The following ADD1 variants were observed in gnomAD, a reference collection of about 807,000 sequenced individuals.
ADD1 encodes adducin 1.
A neutral mutation model predicts 80.5 loss-of-function variants in ADD1; 24 were observed. The ratio of observed to expected loss-of-function variants is 0.30; its 90% CI spans 0.22 to 0.42. ADD1 has a LOEUF of 0.42. ADD1 is among the 10% of genes least tolerant of loss of function. The pLI, the probability that ADD1 is intolerant of heterozygous loss-of-function variation, is 1.00. For synonymous variants in ADD1, 373 were observed against 393.8 expected (o/e 0.95, Z 0.63); for missense variants, 948 against 1,019.0 (o/e 0.93, Z 0.95).
At chr4:2,895,962 A>G (rs1735134432) in intron 6 of ADD1, among the ~76,000 whole-genome samples, 1 of 149,772 alleles carries the variant, frequency 6.7e-6, no homozygotes, top group Non-Finnish European at 1.5e-5. Flanking sequence ...ATCGCGGCTC[A>G]CTGCAAGCTC....
At chr4:2,868,553 T>G (rs1729916367) in intron 1 of ADD1, among the ~76,000 whole-genome samples, 2 of 152,222 alleles carry the variant, frequency 1.3e-5, no homozygotes, top group Non-Finnish European at 2.9e-5. Context: ...TTGGAGCCCT[T>G]TGTCCCAGGG....
chr4:2,868,688 C>T (rs991038305), intron 1 of ADD1, among the ~76,000 whole-genome samples: 1 of 152,144 alleles, frequency 6.6e-6, no homozygotes, highest in Non-Finnish European at 1.5e-5. Flanking sequence ...TGTATTGTCC[C>T]TGTATTTCAC....
intron 1 of ADD1, among the ~76,000 whole-genome samples, chr4:2,851,987 C>T (rs1232850535): frequency 6.6e-6 from 1 of 151,938 alleles, no homozygotes; most frequent in Non-Finnish European, 1.5e-5. Context: ...TACAGGCATG[C>T]ATCACTACGC....
intron 1 of ADD1, among the ~76,000 whole-genome samples, chr4:2,854,143 G>A (rs993304272): frequency 6.6e-6 from 1 of 152,046 alleles, no homozygotes. Flanking sequence ...CCGACATGGT[G>A]AAACCCCATC....
chr4:2,894,492 CA>C (rs1273465785), intron 5 of ADD1, 89 bp from the exon 6 acceptor site: 1 of 1,239,824 alleles, frequency 8.1e-7, no homozygotes, highest in Admixed American at 3.2e-5. Flanking sequence ...GCCTGGGCGA[CA>C]GAGCCAGACC....
At position 2,928,593 on chromosome 4, in the gene ADD1, C is replaced by T; in HGVS notation, c.*70C>T. 2 of 1,515,038 alleles carry T rather than the reference C, an allele frequency of 1.3e-6. No homozygotes were observed. Among genetic ancestry groups the T allele is most frequent in the East Asian group, 2.3e-5 (1 of 44,438 alleles). 93.8% of individuals were successfully genotyped at this position (1,515,038 alleles called of 1,614,324 possible). A position where few individuals can be genotyped will look rare whatever the true frequency, so the allele number is the denominator to read the frequency against. On this transcript the variant is annotated 3_prime_UTR_variant, in exon 16 of 16. Coordinates refer to ENST00000683351, the MANE Select transcript of ADD1 (RefSeq NM_001354761.2). ...GCCAGCGTCCCCGGCCACGTCTGTG[C>T]TCTGTCCTTGTGTAATGGAATGCAA...
At chr4:2,889,280 A>G (rs760565492) in intron 4 of ADD1, among the ~76,000 whole-genome samples, 4 of 152,172 alleles carry the variant, frequency 2.6e-5, no homozygotes, top group Non-Finnish European at 5.9e-5. Context: ...CTTGGGTAGA[A>G]AAGTCACAAG....
Position 2,891,461 on chromosome 4 carries a change from A to G in ADD1, c.511-2552A>G, listed in dbSNP as rs572391653. ...GCTTTGTCTCAAAAAAAGAAAAAAA[A>G]AAGATAAAGGAGCTGACTTAAGGAA... On this transcript the variant is annotated intron_variant, in intron 4 of 15. Transcript: ENST00000683351. Among the ~76,000 whole-genome samples, 30 of 152,244 alleles carry G rather than the reference A, an allele frequency of 2.0e-4. No individual in the cohort carries two copies. In the South Asian group the frequency reaches 5.6e-3, roughly 28 times the overall value.
At chr4:2,858,938 C>T (rs938818969) in intron 1 of ADD1, among the ~76,000 whole-genome samples, 2 of 152,102 alleles carry the variant, frequency 1.3e-5, no homozygotes, top group African/African-American at 4.8e-5. Context: ...AACATATCAC[C>T]GAGTGTATTT....
At chr4:2,852,696 CTTTT>C (rs1312991635) in intron 1 of ADD1, among the ~76,000 whole-genome samples, 2 of 118,730 alleles carry the variant, frequency 1.7e-5, no homozygotes, top group African/African-American at 3.0e-5. Context: ...CAGGAAATAT[CTTTT>C]TTTTTTTTTT....
intron 1 of ADD1, among the ~76,000 whole-genome samples, chr4:2,872,466 G>A (rs1293029290): frequency 3.3e-5 from 5 of 152,168 alleles, no homozygotes; most frequent in African/African-American, 1.2e-4. Context: ...AATATAGTTT[G>A]CCACTTAATA....
intron 1 of ADD1, among the ~76,000 whole-genome samples, chr4:2,874,520 T>C (rs965850029): frequency 6.7e-6 from 1 of 150,358 alleles, no homozygotes; most frequent in African/African-American, 2.5e-5. Flanking sequence ...GGCAGGAGAA[T>C]CACTTGAACC....
intron 13 of ADD1, among the ~76,000 whole-genome samples, chr4:2,912,865 G>T (rs1012981227): frequency 6.6e-6 from 1 of 152,084 alleles, no homozygotes; most frequent in Non-Finnish European, 1.5e-5. Context: ...TTTTGTTTGA[G>T]ACGGAGTCTT....
intron 1 of ADD1, among the ~76,000 whole-genome samples, chr4:2,849,508 G>A (rs1272255539): frequency 3.9e-5 from 6 of 152,184 alleles, no homozygotes; most frequent in Non-Finnish European, 8.8e-5. Flanking sequence ...CAGGAATGGG[G>A]CGCAGTAGAT....
At chr4:2,914,379 C>T (rs955900112) in intron 13 of ADD1, among the ~76,000 whole-genome samples, 2 of 152,216 alleles carry the variant, frequency 1.3e-5, no homozygotes, top group Non-Finnish European at 2.9e-5. Context: ...TTGGGATAAG[C>T]TCCAGGAACT....
At chr4:2,866,150 A>G (rs1424559133) in intron 1 of ADD1, among the ~76,000 whole-genome samples, 2 of 152,214 alleles carry the variant, frequency 1.3e-5, no homozygotes, top group Non-Finnish European at 2.9e-5. Context: ...TTCATGGGCC[A>G]TCTGAAGATT....
rs1328813081 is a variant in ADD1 at position 2,843,860 on chromosome 4, C to G, written c.-185C>G. On this transcript the variant is annotated 5_prime_UTR_variant, in exon 1 of 16. Transcript: ENST00000683351. ...TTGGGCTGCAGCGCCGCAGGCCGCA[C>G]CCAGGTCGGGCGGTGGGGGCGAGCG... 1 of 152,474 alleles carries G rather than the reference C, an allele frequency of 6.6e-6. No individual in the cohort carries two copies. The highest frequency in any genetic ancestry group is 1.9e-4 in the East Asian group (1 of 5,196). 9.4% of individuals were successfully genotyped at this position (152,474 alleles called of 1,614,324 possible).
chr4:2,886,475 C>T (rs563460176), intron 4 of ADD1, among the ~76,000 whole-genome samples: 27 of 152,256 alleles, frequency 1.8e-4, no homozygotes, highest in Non-Finnish European at 3.2e-4. Context: ...GTGTGCGGCA[C>T]GGTCACTCTG....
At chr4:2,858,179 T>C (rs570266470) in intron 1 of ADD1, among the ~76,000 whole-genome samples, 1 of 152,296 alleles carries the variant, frequency 6.6e-6, no homozygotes, top group Non-Finnish European at 1.5e-5. Flanking sequence ...GACAGTTAAT[T>C]AGTGTCCATT....
Sources: allele counts gnomAD v4.1 joint callset (sites outside exome capture counted in the v4.1 genomes callset), GRCh38; gene constraint gnomAD v4.1.1; transcripts MANE v1.5; gene names NCBI Gene and HGNC (gene_info 2026-07-23, HGNC 2026-07-21).